Variants in LUZP1 observed in about 807,000 individuals in gnomAD.
LUZP1 encodes leucine zipper protein 1.
A neutral mutation model predicts 71.3 loss-of-function variants in LUZP1; 25 were observed. The ratio of observed to expected loss-of-function variants is 0.35; its 90% CI spans 0.26 to 0.49. The LOEUF (loss-of-function observed/expected upper bound fraction) is 0.49, where lower values mean the gene tolerates loss of function less well. LUZP1 is among the 20% of genes least tolerant of loss of function. The pLI is 0.99. For synonymous variants in LUZP1, 481 were observed against 506.4 expected (o/e 0.95, Z 0.67); for missense variants, 1,142 against 1,300.8 (o/e 0.88, Z 1.88).
chr1:23,163,232 T>G, intron 2 of LUZP1, among the ~76,000 whole-genome samples: 1 of 122,504 alleles, frequency 8.2e-6, no homozygotes, highest in South Asian at 2.8e-4. Flanking sequence ...AGGGTGAGAC[T>G]CTCTCAAAAA....
chr1:23,092,809 T>C, exon 4 of LUZP1: 1 of 1,613,930 alleles, frequency 6.2e-7, no homozygotes, highest in Non-Finnish European at 8.5e-7. Context: ...CACGCTTTAC[T>C]GTGCTCCTGA....
At chr1:23,112,014 C>A (rs1467340988) in intron 2 of LUZP1, among the ~76,000 whole-genome samples, 1 of 152,126 alleles carries the variant, frequency 6.6e-6, no homozygotes, top group Non-Finnish European at 1.5e-5. Context: ...TTACTAAGGC[C>A]CAGGGGCTTT....
chr1:23,147,331 C>T (rs1426827611), intron 2 of LUZP1, among the ~76,000 whole-genome samples: 1 of 150,326 alleles, frequency 6.7e-6, no homozygotes, highest in African/African-American at 2.4e-5. Context: ...ATCCCAGCTA[C>T]TCGGGAGGCT....
intron 2 of LUZP1, among the ~76,000 whole-genome samples, chr1:23,128,080 G>A (rs1246300199): frequency 1.3e-5 from 2 of 151,980 alleles, no homozygotes; most frequent in East Asian, 1.9e-4. Flanking sequence ...GCAGTGGGCC[G>A]AGATCACGCC....
chr1:23,145,889 A>T (rs1644339161), intron 2 of LUZP1, among the ~76,000 whole-genome samples: 1 of 152,192 alleles, frequency 6.6e-6, no homozygotes, highest in Non-Finnish European at 1.5e-5. Context: ...TGAGTCAATA[A>T]ATTTGAGTAT....
intron 2 of LUZP1, among the ~76,000 whole-genome samples, chr1:23,146,712 C>A (rs1644345783): frequency 1.3e-5 from 2 of 152,160 alleles, no homozygotes; most frequent in South Asian, 4.1e-4. Context: ...GGCAGGATCA[C>A]CTGAGCCCGG....
chr1:23,126,692 A>C (rs1644174364), intron 2 of LUZP1, among the ~76,000 whole-genome samples: 1 of 152,140 alleles, frequency 6.6e-6, no homozygotes, highest in Non-Finnish European at 1.5e-5. Context: ...TTAGTCTTAC[A>C]CCCTGTTCAG....
Position 23,094,455 on chromosome 1 carries a change from T to C in LUZP1, c.-119-75A>G. 2 of 1,116,098 alleles carry C rather than the reference T, an allele frequency of 1.8e-6. No individual in the cohort carries two copies. Among genetic ancestry groups the C allele is most frequent in the Non-Finnish European group, 2.4e-6 (2 of 841,784 alleles). 69.1% of individuals were successfully genotyped at this position (1,116,098 alleles called of 1,614,324 possible). ...ACGTTAGCTCCCAGTTATAGAAAAG[T>C]GCTCCTATCTGTTCCTGGTGCCTGG... On this transcript the variant is annotated intron_variant, in intron 3 of 4. Transcript: ENST00000302291. The surrounding 1 kb of genome is among the most constrained non-coding windows in gnomAD (Gnocchi z 4.7).
intron 2 of LUZP1, among the ~76,000 whole-genome samples, chr1:23,141,676 T>C (rs1644304156): frequency 6.6e-6 from 1 of 152,116 alleles, no homozygotes; most frequent in African/African-American, 2.4e-5. Flanking sequence ...TTGAAGTTTT[T>C]ACTCTAATTT....
intron 2 of LUZP1, among the ~76,000 whole-genome samples, chr1:23,163,660 A>G (rs2148210484): frequency 6.6e-6 from 1 of 152,302 alleles, no homozygotes; most frequent in South Asian, 2.1e-4. Flanking sequence ...CCAGAAATTA[A>G]GAAAGTCATA....
At chr1:23,138,663 T>TGTGTGTGTG (rs1553140068) in intron 2 of LUZP1, among the ~76,000 whole-genome samples, 19 of 125,676 alleles carry the variant, frequency 1.5e-4, no homozygotes, top group African/African-American at 2.5e-4. Flanking sequence ...GATTATGTGT[T>TGTGTGTGTG]TGTGTGTGTG....
At chr1:23,172,760 T>C (rs1486797165) in intron 1 of LUZP1, among the ~76,000 whole-genome samples, 1 of 151,574 alleles carries the variant, frequency 6.6e-6, no homozygotes, top group Non-Finnish European at 1.5e-5. Context: ...AGCGATCCTT[T>C]AGCTTTGTCC....
At chr1:23,088,785 G>T in exon 5 of LUZP1, 1 of 1,452,918 alleles carries the variant, frequency 6.9e-7, no homozygotes, top group Non-Finnish European at 9.3e-7. Context: ...CAGTTTTCCA[G>T]CCAAGGCTTG....
At chr1:23,117,848 T>C (rs1475318028) in intron 2 of LUZP1, among the ~76,000 whole-genome samples, 1 of 151,950 alleles carries the variant, frequency 6.6e-6, no homozygotes, top group African/African-American at 2.4e-5. Context: ...TCCCAGCGCT[T>C]TGGGAGGCCG....
At chr1:23,102,777 C>A (rs1356016515) in intron 3 of LUZP1, among the ~76,000 whole-genome samples, 2 of 152,082 alleles carry the variant, frequency 1.3e-5, no homozygotes, top group African/African-American at 4.8e-5. Flanking sequence ...CTTGGCAATA[C>A]TGCAAGACCC....
chr1:23,094,403 A>G lies in LUZP1; in HGVS notation c.-119-23T>C, dbSNP rs978839605. 3.5e-6 allele frequency: 5 copies of G among 1,415,624 alleles called. No homozygotes were observed. In the South Asian group the frequency reaches 6.6e-5, roughly 19 times the overall value. The allele number at this position is 1,415,624 out of a possible 1,614,324, so 87.7% of individuals were successfully genotyped here. A position where few individuals can be genotyped will look rare whatever the true frequency, so the allele number is the denominator to read the frequency against. ...AATCTACAAAAGGAAAGTAGAAAGC[A>G]TGTCAGTCAGCAAATGTAAAACCTG... On this transcript the variant is annotated intron_variant, in intron 3 of 4. Transcript: ENST00000302291. The surrounding 1 kb of genome is among the most constrained non-coding windows in gnomAD (Gnocchi z 4.7).
chr1:23,117,531 A>G (rs1284370830), intron 2 of LUZP1, among the ~76,000 whole-genome samples: 1 of 107,206 alleles, frequency 9.3e-6, no homozygotes, highest in Non-Finnish European at 1.8e-5. Context: ...GGGGGGGGGA[A>G]CACCTTGAGA....
chr1:23,170,462 C>CTTTTTTTTTTTTTTTTTT (rs200073505), intron 1 of LUZP1, among the ~76,000 whole-genome samples: 28 of 127,400 alleles, frequency 2.2e-4, no homozygotes, highest in Non-Finnish European at 3.3e-4. Context: ...CTTTTTCTTT[C>CTTTTTTTTTTTTTTTTTT]TTTTTTTTTT....
Position 23,145,189 on chromosome 1 carries a change from C to CT in LUZP1, c.-226+23576dup, listed in dbSNP as rs376709057. ...AAGTGCTGGGCTTACAGGTGAGCCA[C>CT]TATGCCCAGCCTATTTCTTTTAATT... On this transcript the variant is annotated intron_variant, in intron 2 of 4. Transcript: ENST00000302291. Among the ~76,000 whole-genome samples the CT allele has an allele frequency of 3.2e-4, 48 of 152,094 alleles. 1 individual carries two copies. The East Asian group carries it at 8.7e-3, about 28-fold the overall frequency.
Sources: allele counts gnomAD v4.1 joint callset (sites outside exome capture counted in the v4.1 genomes callset), GRCh38; gene constraint gnomAD v4.1.1; non-coding constraint Gnocchi (gnomAD v3.1); transcripts MANE v1.5; gene names NCBI Gene and HGNC (gene_info 2026-07-23, HGNC 2026-07-21).